The following FER variants were observed in gnomAD, a reference collection of about 807,000 sequenced individuals.
FER encodes tyrosine-protein kinase Fer.
In FER, 63 loss-of-function variants were observed where a neutral mutation model predicts 111.0. The observed-to-expected ratio is 0.57, with a 90% confidence interval of 0.46 to 0.70. The LOEUF (loss-of-function observed/expected upper bound fraction) is 0.70, where lower values mean the gene tolerates loss of function less well. Among genes scored for constraint, FER ranks in the 30% least tolerant of loss-of-function variants. FER has a pLI of 0.00. For synonymous variants in FER, 327 were observed against 313.9 expected (o/e 1.04, Z -0.44); for missense variants, 914 against 954.0 (o/e 0.96, Z 0.55).
chr5:108,881,332 A>C (rs1765653147), intron 8 of FER, among the ~76,000 whole-genome samples: 2 of 152,148 alleles, frequency 1.3e-5, no homozygotes, highest in Non-Finnish European at 2.9e-5. Flanking sequence ...TTTTACACGG[A>C]TGGCAGCAGG....
At chr5:108,923,760 C>A (rs1338797077) in intron 10 of FER, among the ~76,000 whole-genome samples, 2 of 152,052 alleles carry the variant, frequency 1.3e-5, no homozygotes, top group Non-Finnish European at 2.9e-5. Context: ...GTTTTTGTGG[C>A]AAGGAAATTT....
intron 16 of FER, among the ~76,000 whole-genome samples, chr5:109,063,256 T>G (rs1273559124): frequency 6.6e-6 from 1 of 152,214 alleles, no homozygotes; most frequent in Admixed American, 6.5e-5. Flanking sequence ...AAAATAAACA[T>G]TTCATCCTTC....
intron 13 of FER, among the ~76,000 whole-genome samples, chr5:109,012,564 T>C (rs746033059): frequency 1.1e-4 from 16 of 152,242 alleles, no homozygotes; most frequent in Non-Finnish European, 1.8e-4. Context: ...TCAGGTAATA[T>C]GATTCCATAA....
intron 13 of FER, among the ~76,000 whole-genome samples, chr5:109,035,814 T>C (rs116570407): frequency 0.017 from 2,587 of 152,318 alleles, 41 homozygotes; most frequent in Middle Eastern, 0.034. Context: ...CCTCACAATC[T>C]CTTGATTTGT....
At chr5:109,079,408 A>G (rs1266967320) in intron 16 of FER, among the ~76,000 whole-genome samples, 2 of 152,130 alleles carry the variant, frequency 1.3e-5, no homozygotes, top group East Asian at 1.9e-4. Flanking sequence ...CTTGTTTGAC[A>G]TCGGTAACTC....
In FER at chr5:108,758,829, G is replaced by A. The variant is rs746007436; in HGVS notation, c.-205-9264G>A. 3.5e-4 allele frequency among the ~76,000 whole-genome samples: 54 copies of A among 152,260 alleles called. 1 individual carries two copies. Among genetic ancestry groups the A allele is most frequent in the African/African-American group, 1.3e-3 (53 of 41,562 alleles). On this transcript the variant is annotated intron_variant, in intron 1 of 19. Coordinates refer to ENST00000281092, the MANE Select transcript of FER (RefSeq NM_005246.4). ...GAAGATACTGTGACCCTGGAAGGAG[G>A]GAGTAGATGCTGGGTGAGCAAAACG... is the stretch of plus-strand genomic sequence containing the variant.
chr5:108,783,734 G>C (rs994054291), intron 2 of FER, among the ~76,000 whole-genome samples: 4 of 152,088 alleles, frequency 2.6e-5, no homozygotes, highest in African/African-American at 9.7e-5. Context: ...GCTCCCACTG[G>C]TCTCTGCTGA....
intron 13 of FER, among the ~76,000 whole-genome samples, chr5:109,029,369 G>A (rs1166628214): frequency 6.8e-6 from 1 of 147,304 alleles, no homozygotes; most frequent in African/African-American, 2.5e-5. Flanking sequence ...CTAGCATTAG[G>A]TATATCTCCC....
chr5:109,060,772 G>GTATATA (rs57784433), intron 16 of FER, among the ~76,000 whole-genome samples: 5 of 133,518 alleles, frequency 3.7e-5, no homozygotes, highest in Admixed American at 7.5e-5. Flanking sequence ...GTGTGTGTGT[G>GTATATA]TATATATATA....
At chr5:108,882,957 GC>G (rs2150285424) in intron 8 of FER, among the ~76,000 whole-genome samples, 1 of 151,858 alleles carries the variant, frequency 6.6e-6, no homozygotes, top group African/African-American at 2.4e-5. Context: ...AAATAACTGA[GC>G]CTCACTTTCA....
chr5:109,038,547 C>T (rs1461660141), intron 14 of FER, among the ~76,000 whole-genome samples: 2 of 151,940 alleles, frequency 1.3e-5, no homozygotes, highest in Non-Finnish European at 2.9e-5. Context: ...CCCAAAGCAT[C>T]GAATTGTTAT....
intron 18 of FER, 43 bp downstream of exon 18, chr5:109,180,944 G>T: frequency 6.6e-7 from 1 of 1,520,314 alleles, no homozygotes. Flanking sequence ...AAAAATGAAC[G>T]GCATCAGCAT....
chr5:109,146,792 A>C (rs1754268569), intron 17 of FER, among the ~76,000 whole-genome samples: 1 of 152,102 alleles, frequency 6.6e-6, no homozygotes, highest in South Asian at 2.1e-4. Flanking sequence ...CCATATGGTA[A>C]GTATGGCATT....
chr5:108,952,243 T>G (rs987710986), intron 11 of FER, among the ~76,000 whole-genome samples: 12 of 152,084 alleles, frequency 7.9e-5, no homozygotes, highest in Non-Finnish European at 1.8e-4. Flanking sequence ...AGATGGGATA[T>G]TTGAGGTAGA....
chr5:109,124,826 C>T (rs189507564), intron 17 of FER, among the ~76,000 whole-genome samples: 1,585 of 152,178 alleles, frequency 0.01, 23 homozygotes, highest in African/African-American at 0.036. Flanking sequence ...ACAGGTGGAT[C>T]ACGAGGTCAG....
At chr5:109,023,904 G>C (rs1768290902) in intron 13 of FER, among the ~76,000 whole-genome samples, 2 of 152,080 alleles carry the variant, frequency 1.3e-5, no homozygotes, top group South Asian at 2.1e-4. Context: ...AAGATTTGAG[G>C]GTTCTTGAGT....
At chr5:108,827,801 T>C (rs1295790834) in intron 3 of FER, among the ~76,000 whole-genome samples, 2 of 150,534 alleles carry the variant, frequency 1.3e-5, no homozygotes, top group African/African-American at 2.4e-5. Flanking sequence ...TCGTATAATA[T>C]TTAACAGATG....
At chr5:108,766,169 T>C (rs1182203) in intron 1 of FER, among the ~76,000 whole-genome samples, 152,050 of 152,276 alleles carry the variant, frequency 1, 75,912 homozygotes, top group Middle Eastern at 1. Flanking sequence ...TGGACTCAAG[T>C]GATCCTCCTG....
intron 13 of FER, among the ~76,000 whole-genome samples, chr5:109,026,195 T>A (rs1189573651): frequency 6.6e-6 from 1 of 152,166 alleles, no homozygotes; most frequent in Non-Finnish European, 1.5e-5. Context: ...CTTTCTAGAA[T>A]GATAGGATAA....
Sources: allele counts gnomAD v4.1 joint callset (sites outside exome capture counted in the v4.1 genomes callset), GRCh38; gene constraint gnomAD v4.1.1; transcripts MANE v1.5; gene names NCBI Gene and HGNC (gene_info 2026-07-23, HGNC 2026-07-21).